The following PHLPP1 variants were observed in gnomAD, a reference collection of about 807,000 sequenced individuals.
The protein encoded by PHLPP1 is PH domain and leucine rich repeat protein phosphatase 1.
PHLPP1 carries 42 observed loss-of-function variants against 117.2 expected under a neutral mutation model. That is an observed-to-expected ratio of 0.36 (90% CI 0.28 to 0.46). PHLPP1 has a LOEUF of 0.46. Among genes scored for constraint, PHLPP1 ranks in the 20% least tolerant of loss-of-function variants. The pLI is 1.00. For synonymous variants in PHLPP1, 1,042 were observed against 970.7 expected (o/e 1.07, Z -1.37); for missense variants, 2,084 against 2,241.9 (o/e 0.93, Z 1.42).
chr18:62,897,874 C>CT (rs1346074265), intron 6 of PHLPP1, among the ~76,000 whole-genome samples: 2 of 152,146 alleles, frequency 1.3e-5, no homozygotes, highest in Non-Finnish European at 2.9e-5. Flanking sequence ...CTTAGTTTCT[C>CT]TAAGTAAAGG....
chr18:62,821,358 G>A lies in PHLPP1; in HGVS notation c.1577-8677G>A, dbSNP rs574955864. On this transcript the variant is annotated intron_variant, in intron 1 of 16. Coordinates refer to ENST00000262719, the MANE Select transcript of PHLPP1 (RefSeq NM_194449.4). ...AAAATAACAGAAAATCAGTGAGCCT[G>A]AGGAACATGGCGAAACCCTGTCTCT... Among the ~76,000 whole-genome samples, 9 of 152,090 alleles carry A rather than the reference G, an allele frequency of 5.9e-5. No homozygotes were observed. The South Asian group carries it at 1.9e-3, about 32-fold the overall frequency.
At chr18:62,734,051 G>A (rs1456630846) in intron 1 of PHLPP1, among the ~76,000 whole-genome samples, 3 of 152,200 alleles carry the variant, frequency 2.0e-5, no homozygotes, top group Non-Finnish European at 4.4e-5. Context: ...AAATGCAAAT[G>A]TGCATGTGCT....
intron 2 of PHLPP1, chr18:62,838,474 A>C (rs1914966926): frequency 4.7e-6 from 1 of 210,968 alleles, no homozygotes; most frequent in Non-Finnish European, 9.4e-6. Context: ...TTCTAAGAGG[A>C]AGTAAGAACC....
intron 3 of PHLPP1, chr18:62,839,894 T>A (rs1915010314): frequency 6.6e-6 from 1 of 151,410 alleles, no homozygotes; most frequent in Non-Finnish European, 1.5e-5. Flanking sequence ...AGAATGTTTT[T>A]ATATCTCATT....
intron 4 of PHLPP1, among the ~76,000 whole-genome samples, chr18:62,870,319 C>T (rs184147967): frequency 6.6e-6 from 1 of 152,202 alleles, no homozygotes; most frequent in African/African-American, 2.4e-5. Context: ...TGCATATATA[C>T]CCCCCTCTTA....
intron 3 of PHLPP1, among the ~76,000 whole-genome samples, chr18:62,846,375 T>C (rs971192338): frequency 8.5e-5 from 13 of 152,092 alleles, no homozygotes; most frequent in African/African-American, 3.1e-4. Context: ...TATTTGGGTA[T>C]AGGAAGACTT....
chr18:62,878,721 G>A (rs2144381447), intron 4 of PHLPP1, among the ~76,000 whole-genome samples: 1 of 152,038 alleles, frequency 6.6e-6, no homozygotes, highest in Non-Finnish European at 1.5e-5. Context: ...TTTCTAAATA[G>A]CTGTTTTTTT....
chr18:62,900,612 C>T (rs566773663), intron 6 of PHLPP1, among the ~76,000 whole-genome samples: 29 of 151,470 alleles, frequency 1.9e-4, no homozygotes, highest in Admixed American at 5.3e-4. Flanking sequence ...AGTATAGGCA[C>T]GTGCCACCAT....
chr18:62,946,567 C>T lies in PHLPP1; in HGVS notation c.3324+1296C>T, dbSNP rs986854915. Among the ~76,000 whole-genome samples, 88 of 151,614 alleles carry T rather than the reference C, an allele frequency of 5.8e-4. 1 individual carries two copies. Among genetic ancestry groups the T allele is most frequent in the African/African-American group, 1.5e-4 (6 of 41,326 alleles). On this transcript the variant is annotated intron_variant, in intron 12 of 16. Transcript: ENST00000262719. ...ACAAGCATGAGCCACCATGCCCGGC[C>T]GGCTTGCATAACTTTTTATCACAAC...
chr18:62,719,656 T>C lies in PHLPP1; in HGVS notation c.1576+2397T>C, dbSNP rs140285419. Reference sequence around the variant, plus strand: ...TTTTACAGGGTTTTTGAAAATTCTGTACCCCATTGGTAATTTTATACATAA... The same window carrying C: ...TTTTACAGGGTTTTTGAAAATTCTGCACCCCATTGGTAATTTTATACATAA... On this transcript the variant is annotated intron_variant, in intron 1 of 16. Coordinates refer to ENST00000262719, the MANE Select transcript of PHLPP1 (RefSeq NM_194449.4). Among the ~76,000 whole-genome samples the C allele has an allele frequency of 1.2e-4, 19 of 152,350 alleles. No homozygotes were observed. The East Asian group carries it at 3.7e-3, about 29-fold the overall frequency.
chr18:62,738,740 G>A (rs905261843), intron 1 of PHLPP1, among the ~76,000 whole-genome samples: 1 of 152,200 alleles, frequency 6.6e-6, no homozygotes, highest in Non-Finnish European at 1.5e-5. Context: ...TAACAATACT[G>A]TAATAAAAGT....
chr18:62,917,978 G>A (rs2144422949), intron 9 of PHLPP1, among the ~76,000 whole-genome samples: 1 of 152,220 alleles, frequency 6.6e-6, no homozygotes, highest in South Asian at 2.1e-4. Context: ...GCCGAGGCAG[G>A]CGGATCAACT....
chr18:62,761,185 CAA>C (rs1483510221), intron 1 of PHLPP1, among the ~76,000 whole-genome samples: 3 of 151,886 alleles, frequency 2.0e-5, no homozygotes, highest in Admixed American at 6.6e-5. Context: ...TTTTTAATAA[CAA>C]TGCTGCATAT....
At chr18:62,934,935 G>A (rs994224158) in intron 10 of PHLPP1, among the ~76,000 whole-genome samples, 1 of 152,040 alleles carries the variant, frequency 6.6e-6, no homozygotes, top group Non-Finnish European at 1.5e-5. Context: ...TTTCTTAATG[G>A]GGAAACCCCA....
chr18:62,813,373 G>A (rs1437900264), intron 1 of PHLPP1, among the ~76,000 whole-genome samples: 1 of 152,156 alleles, frequency 6.6e-6, no homozygotes, highest in East Asian at 1.9e-4. Context: ...TGTAATGGAG[G>A]GAACTTTAAA....
chr18:62,903,747 T>C (rs1209898635), intron 7 of PHLPP1, among the ~76,000 whole-genome samples: 2 of 150,942 alleles, frequency 1.3e-5, no homozygotes, highest in African/African-American at 4.9e-5. Flanking sequence ...TCCAGCCTGG[T>C]TGACAGAGCG....
intron 11 of PHLPP1, among the ~76,000 whole-genome samples, chr18:62,944,527 G>A (rs557250156): frequency 2.6e-5 from 4 of 152,234 alleles, no homozygotes; most frequent in Non-Finnish European, 4.4e-5. Context: ...TGTGAATTTG[G>A]GCTCTGCCAG....
At chr18:62,741,674 T>G (rs1359120784) in intron 1 of PHLPP1, among the ~76,000 whole-genome samples, 1 of 151,146 alleles carries the variant, frequency 6.6e-6, no homozygotes, top group Non-Finnish European at 1.5e-5. Flanking sequence ...AATAATTGTT[T>G]AATTGTAATT....
At position 62,716,787 on chromosome 18, in the gene PHLPP1, C is replaced by T. The variant is rs1484326892; in HGVS notation, c.1104C>T (p.Ser368=). The stretch of plus-strand genomic sequence containing the variant: ...CTGACCGGTTGGACCCCTACAGCAG[C>T]GGCGGCGGCTCCTCGTCGTCGTCGG... The part of the protein sequence containing the change: ...SVSDRLDPYS[S]GGGSSSSSEE... The change falls in exon 1 of 17, where the codon AGC becomes AGT. Residue 368 remains serine, a synonymous_variant. Coordinates refer to ENST00000262719, the MANE Select transcript of PHLPP1 (RefSeq NM_194449.4). This position sits in a 1 kb window ranked among gnomAD's most constrained non-coding sequence, Gnocchi z 5.7. 1.7e-5 allele frequency: 26 copies of T among 1,526,296 alleles called. No homozygotes were observed. The highest frequency in any genetic ancestry group is 2.3e-5 in the Non-Finnish European group (26 of 1,142,230). The allele number at this position is 1,526,296 out of a possible 1,614,324, so 94.5% of individuals were successfully genotyped here.
Sources: gnomAD v4.1 joint callset for allele counts (sites outside exome capture counted in the v4.1 genomes callset) on GRCh38, gnomAD v4.1.1 for gene constraint, Gnocchi (gnomAD v3.1) non-coding constraint, MANE v1.5 for transcripts, NCBI Gene and HGNC (gene_info 2026-07-23, HGNC 2026-07-21) for gene names.